The following PDZD2 variants were observed in gnomAD, a reference collection of about 807,000 sequenced individuals.
PDZD2 encodes the protein PDZ domain containing 2.
A neutral mutation model predicts 220.7 loss-of-function variants in PDZD2; 90 were observed. The observed-to-expected ratio is 0.41, with a 90% CI of 0.34 to 0.49. PDZD2 has a LOEUF of 0.49. Ranked by LOEUF, PDZD2 falls within the 20% of genes least tolerant of loss-of-function variation. The probability of loss-of-function intolerance (pLI) is 0.28; values close to 1 mark genes in which losing one functional copy is unlikely to be tolerated. For missense variants in PDZD2, 3,174 were observed against 3,608.5 expected (o/e 0.88, Z 3.08); for synonymous variants, 1,375 against 1,450.5 (o/e 0.95, Z 1.18).
chr5:31,874,079 C>T (rs1020611792), intron 2 of PDZD2, among the ~76,000 whole-genome samples: 2 of 152,138 alleles, frequency 1.3e-5, no homozygotes, highest in Non-Finnish European at 2.9e-5. Flanking sequence ...GATACTCAGG[C>T]AGGGTTTCTA....
At chr5:31,726,554 C>T (rs999236603) in intron 1 of PDZD2, among the ~76,000 whole-genome samples, 3 of 152,154 alleles carry the variant, frequency 2.0e-5, no homozygotes, top group South Asian at 4.1e-4. Flanking sequence ...TTACCCAGCA[C>T]GCGTAGGTTT....
chr5:31,799,238 G>A lies in PDZD2; in HGVS notation c.-11G>A, dbSNP rs529687760. The A allele has an allele frequency of 3.0e-5, 47 of 1,563,688 alleles. No individual in the cohort carries two copies. Among genetic ancestry groups the A allele is most frequent in the Admixed American group, 2.7e-4 (16 of 58,488 alleles). On this transcript the variant is annotated 5_prime_UTR_variant, in exon 2 of 25. Transcript: ENST00000438447. ...GACCTCTGATGATGCTGGTGTCTGG[G>A]AGTGAGCACCATGCCCATCACCCAG... is the stretch of plus-strand genomic sequence containing the variant.
intron 2 of PDZD2, among the ~76,000 whole-genome samples, chr5:31,938,175 G>A (rs1230491973): frequency 2.0e-5 from 3 of 152,182 alleles, no homozygotes; most frequent in Non-Finnish European, 1.5e-5. Flanking sequence ...GCCTCCCAAA[G>A]TGCTAGGATT....
intron 15 of PDZD2, 63 bp downstream of exon 15, chr5:32,069,713 G>C: frequency 1.2e-6 from 1 of 826,386 alleles, no homozygotes; most frequent in Admixed American, 1.8e-5. Flanking sequence ...TCACCCACAG[G>C]CACTCCCCAG....
intron 1 of PDZD2, among the ~76,000 whole-genome samples, chr5:31,670,962 A>G (rs1746194059): frequency 6.6e-6 from 1 of 151,246 alleles, no homozygotes; most frequent in Non-Finnish European, 1.5e-5. Flanking sequence ...TTACCTATCA[A>G]CTCCCACCCT....
At chr5:31,867,913 G>A (rs1475356163) in intron 2 of PDZD2, among the ~76,000 whole-genome samples, 2 of 152,044 alleles carry the variant, frequency 1.3e-5, no homozygotes, top group Non-Finnish European at 2.9e-5. Flanking sequence ...GCGGGGCAGA[G>A]CAGGGCAGGG....
At chr5:31,838,799 C>A (rs1402082223) in intron 2 of PDZD2, among the ~76,000 whole-genome samples, 3 of 152,226 alleles carry the variant, frequency 2.0e-5, no homozygotes. Context: ...AATTCCAGGT[C>A]TGGGGCATTC....
intron 16 of PDZD2, among the ~76,000 whole-genome samples, chr5:32,071,706 G>C (rs1366374549): frequency 6.6e-6 from 1 of 152,212 alleles, no homozygotes; most frequent in Non-Finnish European, 1.5e-5. Flanking sequence ...GCGTGAGTCA[G>C]GACTTGGGGC....
At chr5:31,935,305 T>C (rs1401789022) in intron 2 of PDZD2, among the ~76,000 whole-genome samples, 1 of 152,210 alleles carries the variant, frequency 6.6e-6, no homozygotes, top group African/African-American at 2.4e-5. Flanking sequence ...AAGACCCCTT[T>C]GGCTTCAGCT....
Position 31,784,165 on chromosome 5 carries a change from C to G in PDZD2, c.-360-14724C>G, listed in dbSNP as rs143600526. Among the ~76,000 whole-genome samples, 588 of 152,278 alleles carry G rather than the reference C, an allele frequency of 3.9e-3. 3 individuals are homozygous for G. The highest frequency in any genetic ancestry group is 5.5e-3 in the Non-Finnish European group (377 of 68,018). On this transcript the variant is annotated intron_variant, in intron 1 of 24. Coordinates refer to ENST00000438447, the MANE Select transcript of PDZD2 (RefSeq NM_178140.4). ...CTGTCCCTCCCGTCCTCACCTCCTG[C>G]AGGCATTCACAGACACCATTCTGAG...
chr5:31,938,164 G>A lies in PDZD2; in HGVS notation c.477-44991G>A, dbSNP rs1581121976. The stretch of plus-strand genomic sequence containing the variant: ...TGACCTCAAGTGATCTGCCCACCTC[G>A]GCCTCCCAAAGTGCTAGGATTACAG... On this transcript the variant is annotated intron_variant, in intron 2 of 24. Coordinates refer to ENST00000438447, the MANE Select transcript of PDZD2 (RefSeq NM_178140.4). Among the ~76,000 whole-genome samples the A allele has an allele frequency of 4.6e-5, 7 of 152,176 alleles. No individual in the cohort carries two copies. In the South Asian group the frequency reaches 1.5e-3, roughly 32 times the overall value.
At chr5:31,978,940 G>T (rs530845361) in intron 2 of PDZD2, among the ~76,000 whole-genome samples, 21 of 152,074 alleles carry the variant, frequency 1.4e-4, no homozygotes, top group Non-Finnish European at 2.6e-4. Flanking sequence ...CTGAACTCAA[G>T]ATAAACTCCT....
intron 2 of PDZD2, among the ~76,000 whole-genome samples, chr5:31,934,938 AT>A (rs1210197965): frequency 6.6e-6 from 1 of 151,840 alleles, no homozygotes; most frequent in African/African-American, 2.4e-5. Flanking sequence ...AATACAAAAA[AT>A]ATCTGGGCAT....
At chr5:32,080,237 A>T (rs1741784908) in intron 19 of PDZD2, among the ~76,000 whole-genome samples, 1 of 151,100 alleles carries the variant, frequency 6.6e-6, no homozygotes, top group Non-Finnish European at 1.5e-5. Flanking sequence ...AGTCCCAACT[A>T]CTCAGGAAGC....
chr5:31,898,201 A>T (rs11741235), intron 2 of PDZD2, among the ~76,000 whole-genome samples: 85,454 of 152,092 alleles, frequency 0.56, 26,478 homozygotes, highest in Middle Eastern at 0.72. Flanking sequence ...GCTTGCTTCA[A>T]ATCTGTTAGA....
chr5:31,744,842 G>A (rs778099361), intron 1 of PDZD2, among the ~76,000 whole-genome samples: 24 of 152,148 alleles, frequency 1.6e-4, no homozygotes, highest in African/African-American at 3.4e-4. Context: ...AAGCTGAGGC[G>A]GGCGGATCTT....
At chr5:31,830,453 G>C (rs765307745) in intron 2 of PDZD2, among the ~76,000 whole-genome samples, 6 of 151,742 alleles carry the variant, frequency 4.0e-5, no homozygotes, top group Non-Finnish European at 8.8e-5. Context: ...TGGGATTACA[G>C]GCGTGAGCCA....
intron 2 of PDZD2, among the ~76,000 whole-genome samples, chr5:31,864,105 A>AG (rs1324752860): frequency 6.6e-6 from 1 of 152,180 alleles, no homozygotes; most frequent in East Asian, 1.9e-4. Context: ...GCAGGGGATC[A>AG]GAGGAGGAGG....
At chr5:31,774,719 CAAAAA>C (rs931961841) in intron 1 of PDZD2, among the ~76,000 whole-genome samples, 1 of 140,706 alleles carries the variant, frequency 7.1e-6, no homozygotes, top group African/African-American at 2.6e-5. Context: ...AACTCCCTCT[CAAAAA>C]AAAAACAAAA....
Sources: gnomAD v4.1 joint callset for allele counts (sites outside exome capture counted in the v4.1 genomes callset) on GRCh38, gnomAD v4.1.1 for gene constraint, MANE v1.5 for transcripts, NCBI Gene and HGNC (gene_info 2026-07-23, HGNC 2026-07-21) for gene names.